The following MTA1 variants were observed in gnomAD, a reference collection of about 807,000 sequenced individuals.
MTA1 encodes metastasis-associated protein MTA1.
Under a neutral mutation model 97.0 loss-of-function variants are expected in MTA1, and 15 were observed. That is an observed-to-expected ratio of 0.15 (90% CI 0.10 to 0.24). The LOEUF is 0.24. Among genes scored for constraint, MTA1 ranks in the 10% least tolerant of loss-of-function variants. The probability of loss-of-function intolerance (pLI) is 1.00; values close to 1 mark genes in which losing one functional copy is unlikely to be tolerated. For missense variants in MTA1, 709 were observed against 1,015.1 expected, an observed-to-expected ratio of 0.70 and a Z score of 4.10; for synonymous variants, 435 against 417.5, an observed-to-expected ratio of 1.04 and a Z score of -0.51.
chr14:105,435,847 C>T (rs1595298076), intron 1 of MTA1, among the ~76,000 whole-genome samples: 1 of 152,194 alleles, frequency 6.6e-6, no homozygotes, highest in East Asian at 1.9e-4. Flanking sequence ...ACTCCTTACA[C>T]CCCTTCTCGT....
intron 1 of MTA1, among the ~76,000 whole-genome samples, chr14:105,427,969 G>T (rs987113112): frequency 2.4e-4 from 34 of 142,042 alleles, no homozygotes; most frequent in African/African-American, 9.1e-4. Flanking sequence ...AGTGAGTGGA[G>T]ATCGCACCAC....
At chr14:105,458,242 T>A (rs782522971) in intron 7 of MTA1, 28 bp from the exon 8 acceptor site, 4 of 1,602,638 alleles carry the variant, frequency 2.5e-6, no homozygotes, top group Non-Finnish European at 3.4e-6. Context: ...GGACCCCGTC[T>A]CAGAAAGGCC....
rs1474658861 is a variant in MTA1 at position 105,420,414 on chromosome 14, G to T, written c.28+351G>T. ...GCGGGAGCACGTGGCCTTGGGAGGC[G>T]CCGGCTGCCGGTCTGGGAGCAGGAG... On this transcript the variant is annotated intron_variant, in intron 1 of 20. Transcript: ENST00000331320. The surrounding 1 kb of genome is among the most constrained non-coding windows in gnomAD (Gnocchi z 5.3). Among the ~76,000 whole-genome samples, 1 of 152,014 alleles carries T rather than the reference G, an allele frequency of 6.6e-6. No homozygotes were observed. Among genetic ancestry groups the T allele is most frequent in the African/African-American group, 2.4e-5 (1 of 41,428 alleles).
In MTA1 at chr14:105,420,029, C is replaced by T. The variant is rs1237808788; in HGVS notation, c.-7C>T. 1 of 1,078,344 alleles carries T rather than the reference C, an allele frequency of 9.3e-7. No individual in the cohort carries two copies. Among genetic ancestry groups the T allele is most frequent in the Non-Finnish European group, 1.1e-6 (1 of 882,768 alleles). 66.8% of individuals were successfully genotyped at this position (1,078,344 alleles called of 1,614,324 possible). On this transcript the variant is annotated 5_prime_UTR_variant, in exon 1 of 21. Coordinates refer to ENST00000331320, the MANE Select transcript of MTA1 (RefSeq NM_004689.4). The surrounding 1 kb of genome is among the most constrained non-coding windows in gnomAD (Gnocchi z 5.3). ...CCCCGGGCCCCTCCGCCGCCGCCGG[C>T]CCGGACATGGCCGCCAACATGTACA... is the stretch of plus-strand genomic sequence containing the variant.
rs1555429373 is a variant in MTA1 at position 105,454,290 on chromosome 14, T to C, written c.530T>C (p.Ile177Thr). Reference sequence around the variant, plus strand: ...GTAGGAAACCGGTACCAGGCAGACATCACCGACTTGTTAAAAGAAGGTAGG... The same window carrying C: ...GTAGGAAACCGGTACCAGGCAGACACCACCGACTTGTTAAAAGAAGGTAGG... Reference protein sequence around the residue: ...IRVGNRYQADITDLLKEGEED... With the variant: ...IRVGNRYQADTTDLLKEGEED... Residue 177 changes from isoleucine (I) to threonine (T), a missense_variant, in exon 7 of 21, where the codon ATC becomes ACC. Physicochemically the swap from Ile to Thr is moderately conservative, Grantham distance 89. This residue lies in a region of MTA1 where 321 missense variants were observed against 593.5 expected (regional missense o/e 0.54). Transcript: ENST00000331320. 6.2e-7 allele frequency: 1 copy of C among 1,613,320 alleles called. No homozygotes were observed. The highest frequency in any genetic ancestry group is 1.3e-5 in the African/African-American group (1 of 75,056).
chr14:105,468,799 G>A (rs1417495261), intron 18 of MTA1, among the ~76,000 whole-genome samples: 4 of 152,218 alleles, frequency 2.6e-5, no homozygotes, highest in Non-Finnish European at 5.9e-5. Flanking sequence ...GGGCAGTGGG[G>A]AAGGGCAGTG....
rs1364678582 is a variant in MTA1 at position 105,420,335 on chromosome 14, C to CG, written c.28+279dup. Among the ~76,000 whole-genome samples, 3 of 148,646 alleles carry CG rather than the reference C, an allele frequency of 2.0e-5. No homozygotes were observed. Among genetic ancestry groups the CG allele is most frequent in the Non-Finnish European group, 3.0e-5 (2 of 66,924 alleles). On this transcript the variant is annotated intron_variant, in intron 1 of 20. Coordinates refer to ENST00000331320, the MANE Select transcript of MTA1 (RefSeq NM_004689.4). This position sits in a 1 kb window ranked among gnomAD's most constrained non-coding sequence, Gnocchi z 5.3. ...GCCGAGGGGGCGGCCGCGGGGGTGG[C>CG]GGGGGGGCGCGGGGCCTGCGGGACA... is the stretch of plus-strand genomic sequence containing the variant.
chr14:105,469,043 G>A (rs1555433608), intron 18 of MTA1: 12 of 405,122 alleles, frequency 3.0e-5, no homozygotes, highest in South Asian at 1.9e-4. Context: ...AGAGCCTTAG[G>A]AAAAAGCCCG....
chr14:105,463,799 G>C lies in MTA1; in HGVS notation c.1077-233G>C, dbSNP rs2083453896. On this transcript the variant is annotated intron_variant, in intron 12 of 20. Transcript: ENST00000331320. The surrounding 1 kb of genome is among the most constrained non-coding windows in gnomAD (Gnocchi z 5.9). ...TTCCAGCCCACACCGCCAGGGTTCAGTCCCTGAGCTGGGCTCCATGCTAGG... is the reference window on the plus strand; with the variant it reads ...TTCCAGCCCACACCGCCAGGGTTCACTCCCTGAGCTGGGCTCCATGCTAGG... 1.6e-6 allele frequency: 1 copy of C among 628,552 alleles called. No individual in the cohort carries two copies. Among genetic ancestry groups the C allele is most frequent in the Non-Finnish European group, 2.8e-6 (1 of 355,734 alleles). The allele number at this position is 628,552 out of a possible 1,614,324, so 38.9% of individuals were successfully genotyped here.
rs1555432252 is a variant in MTA1 at position 105,464,978 on chromosome 14, G to A, written c.1534+115G>A. On this transcript the variant is annotated intron_variant, in intron 15 of 20. Transcript: ENST00000331320. ...GAGTTCTGATCTCAGGGAGCCCCAC[G>A]TCCTCCTCGGTGCTGACATGGCCGA... 6.3e-6 allele frequency: 9 copies of A among 1,420,890 alleles called. No individual in the cohort carries two copies. In the South Asian group the frequency reaches 7.2e-5, roughly 11 times the overall value. 88.0% of individuals were successfully genotyped at this position (1,420,890 alleles called of 1,614,324 possible). A position where few individuals can be genotyped will look rare whatever the true frequency, so the allele number is the denominator to read the frequency against.
chr14:105,422,398 C>T lies in MTA1; in HGVS notation c.28+2335C>T, dbSNP rs1310930100. ...AAGGTGTGCAGTGTCTCCTGAGCAG[C>T]CTTTGTCCGTCTGTCGCCGGCTGCC... On this transcript the variant is annotated intron_variant, in intron 1 of 20. Coordinates refer to ENST00000331320, the MANE Select transcript of MTA1 (RefSeq NM_004689.4). The surrounding 1 kb of genome is among the most constrained non-coding windows in gnomAD (Gnocchi z 4.3). Among the ~76,000 whole-genome samples the T allele has an allele frequency of 3.3e-5, 5 of 152,084 alleles. No homozygotes were observed. Among genetic ancestry groups the T allele is most frequent in the African/African-American group, 4.8e-5 (2 of 41,428 alleles).
Position 105,470,395 on chromosome 14 carries a change from G to T in MTA1, c.*180G>T, listed in dbSNP as rs587664189. On this transcript the variant is annotated 3_prime_UTR_variant, in exon 21 of 21. Transcript: ENST00000331320. ...GGAAGAAGCGCGGCTAACTTATTCC[G>T]AGAATGCCGAGGAGTTGTCGTTTTT... The T allele has an allele frequency of 3.2e-5, 17 of 538,966 alleles. No individual in the cohort carries two copies. Among genetic ancestry groups the T allele is most frequent in the African/African-American group, 4.1e-5 (2 of 48,584 alleles). 33.4% of individuals were successfully genotyped at this position (538,966 alleles called of 1,614,324 possible). A position where few individuals can be genotyped will look rare whatever the true frequency, so the allele number is the denominator to read the frequency against.
chr14:105,457,530 G>A (rs2083198601), intron 7 of MTA1, among the ~76,000 whole-genome samples: 1 of 152,276 alleles, frequency 6.6e-6, no homozygotes, highest in Non-Finnish European at 1.5e-5. Context: ...AGAGGGGCCA[G>A]GAGGGAGCCT....
chr14:105,443,816 T>C (rs10136173), intron 2 of MTA1, among the ~76,000 whole-genome samples: 147,317 of 152,218 alleles, frequency 0.97, 71,461 homozygotes, highest in East Asian at 1. Flanking sequence ...GTTGGCTGGG[T>C]GCGGTGGCTC....
rs2083772303 is a variant in MTA1 at position 105,470,076 on chromosome 14, A to G, written c.2009A>G (p.Lys670Arg). ...ACCTCTGCCCACAGGAAGATCCGCA[A>G]GCTGCTCTCATCCTCGGAAACCAAG... is the stretch of plus-strand genomic sequence containing the variant. ...MATEETRKIR[K>R]LLSSSETKRA... is the part of the protein sequence containing the mutation. The change falls in exon 21 of 21, where the codon AAG becomes AGG. Residue 670 changes from lysine to arginine, a missense_variant. Physicochemically the swap from Lys to Arg is conservative, Grantham distance 26. Around this residue, in one of 2 missense-constraint regions of MTA1, gnomAD observed 388 missense variants for 421.6 expected, o/e 0.92. Transcript: ENST00000331320. 2 of 1,612,598 alleles carry G rather than the reference A, an allele frequency of 1.2e-6. No individual in the cohort carries two copies. Among genetic ancestry groups the G allele is most frequent in the South Asian group, 1.1e-5 (1 of 91,084 alleles).
At chr14:105,456,453 C>T (rs949985085) in intron 7 of MTA1, among the ~76,000 whole-genome samples, 2 of 152,174 alleles carry the variant, frequency 1.3e-5, no homozygotes, top group African/African-American at 2.4e-5. Context: ...CCGCAGGAGC[C>T]GGCCTCCTCT....
chr14:105,466,680 C>T (rs991745387), intron 17 of MTA1, 27 bp from the exon 18 acceptor site: 16 of 1,604,768 alleles, frequency 1.0e-5, no homozygotes, highest in Non-Finnish European at 1.3e-5. Flanking sequence ...TGTCTTCTCT[C>T]CCTCTCTCCC....
At chr14:105,466,953 C>G (rs2083617265) in intron 18 of MTA1, 1 of 591,716 alleles carries the variant, frequency 1.7e-6, no homozygotes, top group African/African-American at 1.9e-5. Flanking sequence ...CCTCGGCCCC[C>G]TGGCCCCGCC....
At chr14:105,459,004 C>T in intron 8 of MTA1, among the ~76,000 whole-genome samples, 1 of 152,018 alleles carries the variant, frequency 6.6e-6, no homozygotes, top group East Asian at 1.9e-4. Flanking sequence ...GAGCTGTGTG[C>T]CTGGGGGGAG....
Sources: gnomAD v4.1 joint callset for allele counts (sites outside exome capture counted in the v4.1 genomes callset) on GRCh38, gnomAD v4.1.1 for gene constraint, gnomAD v4.1.1 regional missense constraint, Gnocchi (gnomAD v3.1) non-coding constraint, MANE v1.5 for transcripts, NCBI Gene and HGNC (gene_info 2026-07-23, HGNC 2026-07-21) for gene names.